Variants in PAG1 observed in about 807,000 individuals in gnomAD.
PAG1 encodes the protein phosphoprotein membrane anchor with glycosphingolipid microdomains 1.
In PAG1, 23 loss-of-function variants were observed where a neutral mutation model predicts 31.7. The ratio of observed to expected loss-of-function variants is 0.73; its 90% CI spans 0.52 to 1.03. The LOEUF (loss-of-function observed/expected upper bound fraction) is 1.03, where lower values mean the gene tolerates loss of function less well. Ranked by LOEUF, PAG1 falls within the 50% of genes least tolerant of loss-of-function variation. The probability of loss-of-function intolerance (pLI) is 0.00; values close to 1 mark genes in which losing one functional copy is unlikely to be tolerated. For synonymous variants in PAG1, 214 were observed against 210.3 expected (o/e 1.02, Z -0.15); for missense variants, 473 against 540.7 (o/e 0.87, Z 1.24).
At chr8:81,064,193 T>TC (rs1808966207) in intron 2 of PAG1, among the ~76,000 whole-genome samples, 1 of 152,172 alleles carries the variant, frequency 6.6e-6, no homozygotes, top group African/African-American at 2.4e-5. Context: ...GAAGACAATT[T>TC]TTCCACAGGC....
chr8:81,051,909 T>C (rs987752256), intron 2 of PAG1, among the ~76,000 whole-genome samples: 3 of 152,090 alleles, frequency 2.0e-5, no homozygotes, highest in African/African-American at 7.2e-5. Flanking sequence ...GGTGGGCGGA[T>C]CACGAGGTCA....
intron 1 of PAG1, among the ~76,000 whole-genome samples, 187 bp downstream of exon 1, chr8:81,111,404 C>T (rs1809771195): frequency 6.6e-6 from 1 of 152,218 alleles, no homozygotes; most frequent in African/African-American, 2.4e-5. Context: ...TCGTGAGATG[C>T]TGAGGTCAGC....
chr8:81,030,629 G>A (rs563089479), intron 2 of PAG1, among the ~76,000 whole-genome samples: 2 of 152,170 alleles, frequency 1.3e-5, no homozygotes, highest in African/African-American at 2.4e-5. Context: ...GTCCCTTCAC[G>A]CATTCTGCTG....
At chr8:81,048,151 T>C (rs1275500656) in intron 2 of PAG1, among the ~76,000 whole-genome samples, 3 of 152,104 alleles carry the variant, frequency 2.0e-5, no homozygotes, top group Admixed American at 2.0e-4. Context: ...GGAATGTTCT[T>C]CCCCCTTCTC....
At chr8:80,986,784 A>T (rs1444272306) in intron 6 of PAG1, among the ~76,000 whole-genome samples, 1 of 135,716 alleles carries the variant, frequency 7.4e-6, no homozygotes. Context: ...GTGTAATCAC[A>T]AGGGTCCCTA....
rs1321092849 is a variant in PAG1, at chr8:80,968,894, T to G, written c.*7650A>C. 6.6e-6 allele frequency: 1 copy of G among 152,204 alleles called. No individual in the cohort carries two copies. Among genetic ancestry groups the G allele is most frequent in the African/African-American group, 2.4e-5 (1 of 41,442 alleles). The allele number at this position is 152,204 out of a possible 1,614,324, so 9.4% of individuals were successfully genotyped here. A position where few individuals can be genotyped will look rare whatever the true frequency, so the allele number is the denominator to read the frequency against. On this transcript the variant is annotated 3_prime_UTR_variant, in exon 9 of 9. Transcript: ENST00000220597. ...GGCCAACACATTTCTCAGAGAGACA[T>G]GAGAACTGAGACACACAGGGGCAGC...
At chr8:81,039,860 AT>A (rs1194462285) in intron 2 of PAG1, among the ~76,000 whole-genome samples, 3 of 152,216 alleles carry the variant, frequency 2.0e-5, no homozygotes, top group Admixed American at 1.3e-4. Flanking sequence ...TGCATTTTCA[AT>A]TGTATTTTTT....
intron 3 of PAG1, among the ~76,000 whole-genome samples, chr8:81,004,018 G>A (rs1807832139): frequency 6.6e-6 from 1 of 152,104 alleles, no homozygotes; most frequent in Non-Finnish European, 1.5e-5. Flanking sequence ...ATGGTACACC[G>A]GCTGCAGGGC....
chr8:81,094,010 A>T (rs570056246), intron 1 of PAG1, among the ~76,000 whole-genome samples: 1 of 152,288 alleles, frequency 6.6e-6, no homozygotes, highest in East Asian at 1.9e-4. Flanking sequence ...AACACCCTGC[A>T]GTCTGCTGTG....
intron 4 of PAG1, among the ~76,000 whole-genome samples, chr8:80,992,184 C>T (rs7015643): frequency 0.24 from 35,900 of 152,100 alleles, 7,924 homozygotes; most frequent in African/African-American, 0.58. Context: ...CCCGGCCCTG[C>T]GGCCTCTTTG....
At chr8:81,075,815 G>C (rs1809167658) in intron 1 of PAG1, among the ~76,000 whole-genome samples, 1 of 152,166 alleles carries the variant, frequency 6.6e-6, no homozygotes. Flanking sequence ...CCGCATCTCT[G>C]AGCATACACA....
chr8:80,987,160 C>T (rs528697249), intron 6 of PAG1, among the ~76,000 whole-genome samples: 4 of 152,208 alleles, frequency 2.6e-5, no homozygotes, highest in African/African-American at 9.6e-5. Context: ...TGAATTAGTA[C>T]ATGTACCAGT....
chr8:81,084,362 T>C (rs902019740), intron 1 of PAG1, among the ~76,000 whole-genome samples: 6 of 151,640 alleles, frequency 4.0e-5, no homozygotes, highest in Non-Finnish European at 7.4e-5. Context: ...CTGCATCCAA[T>C]AGTAGCAAAA....
intron 2 of PAG1, among the ~76,000 whole-genome samples, chr8:81,041,494 A>T (rs927024129): frequency 2.6e-5 from 4 of 152,150 alleles, no homozygotes; most frequent in African/African-American, 9.7e-5. Flanking sequence ...GTGGCTCTCC[A>T]TTTATCTTCA....
chr8:81,067,018 C>T (rs1318090583), intron 2 of PAG1, among the ~76,000 whole-genome samples: 1 of 152,014 alleles, frequency 6.6e-6, no homozygotes, highest in Non-Finnish European at 1.5e-5. Flanking sequence ...AAAAAGTAGC[C>T]AGGCATGGTG....
At chr8:81,064,426 G>A (rs911528697) in intron 2 of PAG1, among the ~76,000 whole-genome samples, 16 of 152,196 alleles carry the variant, frequency 1.1e-4, no homozygotes, top group African/African-American at 3.4e-4. Context: ...ACCAAACACA[G>A]GGTCAAGGAG....
chr8:81,039,743 C>T (rs1563639215), intron 2 of PAG1, among the ~76,000 whole-genome samples: 1 of 152,166 alleles, frequency 6.6e-6, no homozygotes, highest in Non-Finnish European at 1.5e-5. Flanking sequence ...GTTTACACAT[C>T]AATCCATCTG....
At chr8:81,031,431 A>C (rs2130791961) in intron 2 of PAG1, among the ~76,000 whole-genome samples, 1 of 152,342 alleles carries the variant, frequency 6.6e-6, no homozygotes, top group East Asian at 1.9e-4. Context: ...ACTTCAAGTC[A>C]AGCCTCCTTC....
In PAG1 at chr8:80,984,808, T is replaced by A. The variant is rs368552683; in HGVS notation, c.844A>T (p.Ser282Cys). 1.9e-6 allele frequency: 3 copies of A among 1,613,932 alleles called. No individual in the cohort carries two copies. The highest frequency in any genetic ancestry group is 2.7e-5 in the African/African-American group (2 of 74,892). ...GTTTCACTGGTCGTGTCTGTGGCAC[T>A]CTCTTCCGCCTCTCCCCCTTCCTTC... ...QEKEGGEAEE[S>C]ATDTTSETNK... Residue 282 changes from serine to cysteine, a missense_variant, in exon 7 of 9, where the codon AGT (serine) becomes TGT (cysteine). Coordinates refer to ENST00000220597, the MANE Select transcript of PAG1 (RefSeq NM_018440.4).
Sources: gnomAD v4.1 joint callset for allele counts (sites outside exome capture counted in the v4.1 genomes callset) on GRCh38, gnomAD v4.1.1 for gene constraint, MANE v1.5 for transcripts, NCBI Gene and HGNC (gene_info 2026-07-23, HGNC 2026-07-21) for gene names.